TMEM135: variants seen among roughly 807,000 people sequenced by gnomAD.
TMEM135 encodes peroxisomal membrane protein 52.
A neutral mutation model predicts 60.3 loss-of-function variants in TMEM135; 30 were observed. That is an observed-to-expected ratio of 0.50 (90% CI 0.37 to 0.68). The LOEUF is 0.68. Among genes scored for constraint, TMEM135 ranks in the 30% least tolerant of loss-of-function variants. The pLI is 0.00. For synonymous variants in TMEM135, 190 were observed against 186.7 expected (o/e 1.02, Z -0.14); for missense variants, 468 against 548.8 (o/e 0.85, Z 1.47).
chr11:87,062,658 T>G (rs1466765282), intron 1 of TMEM135, among the ~76,000 whole-genome samples: 1 of 151,508 alleles, frequency 6.6e-6, no homozygotes, highest in Non-Finnish European at 1.5e-5. Flanking sequence ...ATAGATGGGA[T>G]TTCACCATCT....
At chr11:87,045,384 A>T (rs886608434) in intron 1 of TMEM135, among the ~76,000 whole-genome samples, 1 of 152,110 alleles carries the variant, frequency 6.6e-6, no homozygotes, top group East Asian at 1.9e-4. Flanking sequence ...TCTGTTGAGT[A>T]CAAACTACAG....
intron 5 of TMEM135, among the ~76,000 whole-genome samples, chr11:87,179,991 GCTTGGA>G (rs1939474487): frequency 6.6e-6 from 1 of 151,984 alleles, no homozygotes; most frequent in Non-Finnish European, 1.5e-5. Flanking sequence ...TTTTCTCCCA[GCTTGGA>G]CTCCAGGGCA....
chr11:87,281,614 C>A (rs114516535), intron 6 of TMEM135, among the ~76,000 whole-genome samples: 1 of 152,140 alleles, frequency 6.6e-6, no homozygotes, highest in Non-Finnish European at 1.5e-5. Context: ...ATATACTTGG[C>A]GTGTATGGTA....
chr11:87,141,348 G>T (rs1012286522), intron 4 of TMEM135, among the ~76,000 whole-genome samples: 1 of 151,898 alleles, frequency 6.6e-6, no homozygotes, highest in Non-Finnish European at 1.5e-5. Context: ...TATTCTAATG[G>T]AATGGAAATG....
At chr11:87,293,814 T>C (rs1447870786) in intron 6 of TMEM135, among the ~76,000 whole-genome samples, 1 of 152,220 alleles carries the variant, frequency 6.6e-6, no homozygotes, top group East Asian at 1.9e-4. Flanking sequence ...AGTGCTGCAA[T>C]AAACATAACG....
At chr11:87,104,001 A>AAC in intron 4 of TMEM135, among the ~76,000 whole-genome samples, 1 of 152,112 alleles carries the variant, frequency 6.6e-6, no homozygotes, top group Non-Finnish European at 1.5e-5. Flanking sequence ...CCCCCAAAAA[A>AAC]ATTGCCTAGA....
chr11:87,108,489 T>TA (rs934534022), intron 4 of TMEM135, among the ~76,000 whole-genome samples: 5 of 151,636 alleles, frequency 3.3e-5, no homozygotes, highest in South Asian at 4.2e-4. Context: ...CAATTTTATT[T>TA]AAAAAAACTC....
chr11:87,313,889 T>A (rs1400961702), intron 11 of TMEM135, among the ~76,000 whole-genome samples: 1 of 151,860 alleles, frequency 6.6e-6, no homozygotes. Context: ...ACTTAATCAT[T>A]TTATTAAAAA....
Position 87,278,247 on chromosome 11 carries a change from T to C in TMEM135, c.510-17535T>C, listed in dbSNP as rs550856664. 8.5e-5 allele frequency among the ~76,000 whole-genome samples: 13 copies of C among 152,338 alleles called. 1 individual carries two copies. The South Asian group carries it at 2.3e-3, about 27-fold the overall frequency. On this transcript the variant is annotated intron_variant, in intron 6 of 14. Coordinates refer to ENST00000305494, the MANE Select transcript of TMEM135 (RefSeq NM_022918.4). ...TTCCCTAAAACCATCTTTGATTCTT[T>C]AGTTTTGAGCAATTTCTTTATTCTT...
chr11:87,263,430 C>G (rs1377349180), intron 6 of TMEM135, among the ~76,000 whole-genome samples: 1 of 152,150 alleles, frequency 6.6e-6, no homozygotes, highest in Non-Finnish European at 1.5e-5. Flanking sequence ...TTGGCTCCTA[C>G]CATTTTTGCT....
At chr11:87,205,302 A>C (rs1168738780) in intron 5 of TMEM135, among the ~76,000 whole-genome samples, 1 of 152,204 alleles carries the variant, frequency 6.6e-6, no homozygotes, top group Non-Finnish European at 1.5e-5. Flanking sequence ...TATTTGATAG[A>C]GTAGTAGCTG....
At chr11:87,047,486 A>G (rs548733179) in intron 1 of TMEM135, among the ~76,000 whole-genome samples, 1 of 151,122 alleles carries the variant, frequency 6.6e-6, no homozygotes, top group East Asian at 2.0e-4. Flanking sequence ...AAGCAGGGCG[A>G]GGCACTGCCT....
At chr11:87,262,587 T>C (rs1941673381) in intron 6 of TMEM135, among the ~76,000 whole-genome samples, 1 of 152,218 alleles carries the variant, frequency 6.6e-6, no homozygotes, top group Non-Finnish European at 1.5e-5. Context: ...TATTAATGTT[T>C]GTTCCTTCCT....
At chr11:87,113,162 A>C (rs957524977) in intron 4 of TMEM135, among the ~76,000 whole-genome samples, 2 of 152,126 alleles carry the variant, frequency 1.3e-5, no homozygotes, top group African/African-American at 4.8e-5. Flanking sequence ...TCATGGCCCA[A>C]CTTATAAATG....
chr11:87,242,315 C>T (rs1436679871), intron 6 of TMEM135, among the ~76,000 whole-genome samples: 10 of 151,868 alleles, frequency 6.6e-5, no homozygotes, highest in South Asian at 2.1e-4. Context: ...TAAACATACA[C>T]GTGCATGTGT....
At chr11:87,298,965 G>C (rs557704927) in intron 7 of TMEM135, among the ~76,000 whole-genome samples, 76 of 152,088 alleles carry the variant, frequency 5.0e-4, no homozygotes, top group African/African-American at 1.8e-3. Flanking sequence ...ATGGGCGCCT[G>C]TAATCCCAGC....
At chr11:87,298,780 CTGTCTCAAAAAAAAAAAAAAAAAA>C (rs1461536437) in intron 7 of TMEM135, among the ~76,000 whole-genome samples, 1 of 32,966 alleles carries the variant, frequency 3.0e-5, no homozygotes, top group Non-Finnish European at 5.8e-5. Flanking sequence ...GAGTGAGACT[CTGTCTCAAAAAAAAAAAAAAAAAA>C]CAGCCGGGCA....
intron 12 of TMEM135, 56 bp downstream of exon 12, chr11:87,314,603 T>TAAAACA: frequency 7.0e-7 from 1 of 1,431,262 alleles, no homozygotes; most frequent in Non-Finnish European, 9.8e-7. Flanking sequence ...TTTTAGCTGC[T>TAAAACA]GACTGTTTTA....
chr11:87,071,653 C>A, intron 3 of TMEM135, 38 bp downstream of exon 3: 1 of 1,507,586 alleles, frequency 6.6e-7, no homozygotes, highest in Non-Finnish European at 9.2e-7. Context: ...AACTGATTAC[C>A]TGTCCCCTAC....
Sources: allele counts gnomAD v4.1 joint callset (sites outside exome capture counted in the v4.1 genomes callset), GRCh38; gene constraint gnomAD v4.1.1; transcripts MANE v1.5; gene names NCBI Gene and HGNC (gene_info 2026-07-23, HGNC 2026-07-21).